The following KPNB1 variants were observed in gnomAD, a reference collection of about 807,000 sequenced individuals.
KPNB1 encodes importin subunit beta-1.
A neutral mutation model predicts 113.0 loss-of-function variants in KPNB1; 7 were observed. The observed-to-expected ratio is 0.06, with a 90% confidence interval of 0.04 to 0.12. The LOEUF is 0.12. Ranked by LOEUF, KPNB1 falls within the 10% of genes least tolerant of loss-of-function variation. The probability of loss-of-function intolerance (pLI) is 1.00; values close to 1 mark genes in which losing one functional copy is unlikely to be tolerated. For missense variants in KPNB1, 400 were observed against 1,054.8 expected (o/e 0.38, Z 8.60); for synonymous variants, 363 against 378.6 (o/e 0.96, Z 0.48).
At chr17:47,653,359 C>T (rs1336221107) in intron 3 of KPNB1, among the ~76,000 whole-genome samples, 2 of 146,674 alleles carry the variant, frequency 1.4e-5, no homozygotes, top group Non-Finnish European at 3.0e-5. Flanking sequence ...CTGCAGCCTC[C>T]GCCTCCCAAG....
At chr17:47,659,898 CAAAA>C (rs979619147) in intron 5 of KPNB1, among the ~76,000 whole-genome samples, 2 of 135,636 alleles carry the variant, frequency 1.5e-5, no homozygotes, top group African/African-American at 5.6e-5. Flanking sequence ...ACTCTGTCTC[CAAAA>C]AAAAAAAATA....
intron 2 of KPNB1, among the ~76,000 whole-genome samples, chr17:47,651,025 G>C (rs906444925): frequency 3.4e-5 from 5 of 146,710 alleles, no homozygotes; most frequent in African/African-American, 1.4e-4. Context: ...TTCCTCTCTT[G>C]GGGTTTTTTC....
intron 16 of KPNB1, among the ~76,000 whole-genome samples, 182 bp downstream of exon 16, chr17:47,676,673 G>A (rs2030622649): frequency 6.6e-6 from 1 of 152,164 alleles, no homozygotes; most frequent in Non-Finnish European, 1.5e-5. Flanking sequence ...CAGGATATTA[G>A]ATGTACCAGA....
intron 15 of KPNB1, among the ~76,000 whole-genome samples, chr17:47,675,370 TTG>T (rs1259355929): frequency 3.5e-5 from 4 of 113,198 alleles, no homozygotes; most frequent in East Asian, 5.7e-4. Context: ...TGTTTTTTTT[TTG>T]TTTTTTTTTT....
intron 3 of KPNB1, among the ~76,000 whole-genome samples, chr17:47,653,809 A>G (rs548830668): frequency 6.6e-5 from 10 of 152,288 alleles, no homozygotes; most frequent in African/African-American, 2.2e-4. Context: ...TCTGTCACCA[A>G]TCTTGCATAC....
chr17:47,651,521 A>T (rs540359717), intron 2 of KPNB1: 2 of 196,696 alleles, frequency 1.0e-5, no homozygotes, highest in African/African-American at 2.4e-5. Flanking sequence ...ATATGTGCCA[A>T]TTTTTACAAC....
intron 14 of KPNB1, chr17:47,673,916 T>C (rs560696803): frequency 2.0e-4 from 39 of 198,798 alleles, no homozygotes; most frequent in South Asian, 6.0e-4. Context: ...ACTTAATGTG[T>C]GATGGTTCCT....
Position 47,676,795 on chromosome 17 carries a change from T to C in KPNB1, c.1996-225T>C, listed in dbSNP as rs570296581. On this transcript the variant is annotated intron_variant, in intron 16 of 21. Coordinates refer to ENST00000290158, the MANE Select transcript of KPNB1 (RefSeq NM_002265.6). ...CTATAAAGTTGAGCTATTAGCACCCTGGAGAGCAAGGCTTTTTTTTTTTTT... is the reference window on the plus strand; with the variant it reads ...CTATAAAGTTGAGCTATTAGCACCCCGGAGAGCAAGGCTTTTTTTTTTTTT... Among the ~76,000 whole-genome samples the C allele has an allele frequency of 6.8e-5, 10 of 146,238 alleles. No homozygotes were observed. In the South Asian group the frequency reaches 2.2e-3, roughly 32 times the overall value.
At position 47,682,604 on chromosome 17, in the gene KPNB1, T is replaced by C. The variant is rs1426758752; in HGVS notation, c.*200T>C. On this transcript the variant is annotated 3_prime_UTR_variant, in exon 22 of 22. Coordinates refer to ENST00000290158, the MANE Select transcript of KPNB1 (RefSeq NM_002265.6). ...GCCAACAGCAGCGCTGTTAGTGAGCTAAGTAAGCACTGACTTCGTAGAAAA... is the reference window on the plus strand; with the variant it reads ...GCCAACAGCAGCGCTGTTAGTGAGCCAAGTAAGCACTGACTTCGTAGAAAA... 1.7e-6 allele frequency: 1 copy of C among 598,832 alleles called. No homozygotes were observed. The highest frequency in any genetic ancestry group is 3.0e-6 in the Non-Finnish European group (1 of 334,170). 37.1% of individuals were successfully genotyped at this position (598,832 alleles called of 1,614,324 possible). A position where few individuals can be genotyped will look rare whatever the true frequency, so the allele number is the denominator to read the frequency against.
At chr17:47,663,645 GAAA>G (rs1426414520) in intron 7 of KPNB1, among the ~76,000 whole-genome samples, 4 of 151,872 alleles carry the variant, frequency 2.6e-5, no homozygotes, top group Middle Eastern at 3.2e-3. Flanking sequence ...ACCTGGGCCA[GAAA>G]GCGAGACTCT....
chr17:47,673,611 T>G (rs1180330423), intron 14 of KPNB1, 50 bp downstream of exon 14: 1 of 1,337,436 alleles, frequency 7.5e-7, no homozygotes, highest in Non-Finnish European at 1.1e-6. Context: ...GAATTATTAG[T>G]ATCTCAGTAT....
At position 47,675,363 on chromosome 17, in the gene KPNB1, T is replaced by TTTTGTTTG. The variant is rs1567894276; in HGVS notation, c.1912+584_1912+585insGTTTGTTT. Among the ~76,000 whole-genome samples the TTTTGTTTG allele has an allele frequency of 1.8e-5, 2 of 112,416 alleles. 1 individual carries two copies. Among genetic ancestry groups the TTTTGTTTG allele is most frequent in the African/African-American group, 7.9e-5 (2 of 25,162 alleles). 73.7% of individuals were successfully genotyped at this position (112,416 alleles called of 152,430 possible). On this transcript the variant is annotated intron_variant, in intron 15 of 21. Coordinates refer to ENST00000290158, the MANE Select transcript of KPNB1 (RefSeq NM_002265.6). Reference sequence around the variant, plus strand: ...CAACGGAGATTGGCAGAGGTGTTGTTTTTTTTTTGTTTTTTTTTTTTGTTT... The same window carrying TTTTGTTTG: ...CAACGGAGATTGGCAGAGGTGTTGTTTTTGTTTGTTTTTTTTGTTTTTTTTTTTTGTTT...
chr17:47,658,476 G>A, intron 4 of KPNB1, 32 bp from the exon 5 acceptor site: 2 of 1,603,554 alleles, frequency 1.2e-6, no homozygotes. Context: ...AGGGCTGACT[G>A]TATATTCATT....
At chr17:47,669,246 C>T (rs1567892273) in intron 10 of KPNB1, among the ~76,000 whole-genome samples, 2 of 152,190 alleles carry the variant, frequency 1.3e-5, no homozygotes, top group East Asian at 3.9e-4. Context: ...GTAGGTGGGA[C>T]TATGTGCCAC....
In KPNB1 at chr17:47,685,491, T is replaced by C. The variant is rs2030912035; in HGVS notation, c.*3087T>C. On this transcript the variant is annotated 3_prime_UTR_variant, in exon 22 of 22. Coordinates refer to ENST00000290158, the MANE Select transcript of KPNB1 (RefSeq NM_002265.6). ...TTTATCTTCTAAATAAAGTCCGCTT[T>C]ATTTTTATTTTCAACATCTTGCTGC... 1 of 151,762 alleles carries C rather than the reference T, an allele frequency of 6.6e-6. No individual in the cohort carries two copies. Among genetic ancestry groups the C allele is most frequent in the African/African-American group, 2.4e-5 (1 of 41,288 alleles). 9.4% of individuals were successfully genotyped at this position (151,762 alleles called of 1,614,324 possible). A position where few individuals can be genotyped will look rare whatever the true frequency, so the allele number is the denominator to read the frequency against.
chr17:47,666,253 A>G (rs1241878223), intron 9 of KPNB1, among the ~76,000 whole-genome samples: 3 of 151,544 alleles, frequency 2.0e-5, no homozygotes, highest in African/African-American at 7.3e-5. Flanking sequence ...GGGTTTTGCC[A>G]TGTTAGCCAG....
intron 8 of KPNB1, among the ~76,000 whole-genome samples, 186 bp from the exon 9 acceptor site, chr17:47,664,871 A>G (rs1291157157): frequency 6.6e-6 from 1 of 152,204 alleles, no homozygotes; most frequent in Non-Finnish European, 1.5e-5. Flanking sequence ...CCTATATTAT[A>G]TGGCCTAAAA....
intron 21 of KPNB1, among the ~76,000 whole-genome samples, chr17:47,681,626 T>G (rs2143187997): frequency 6.6e-6 from 1 of 151,936 alleles, no homozygotes; most frequent in South Asian, 2.1e-4. Context: ...CAGGCTGGTC[T>G]TGAACTCCTG....
chr17:47,669,392 G>C (rs2143144743), intron 10 of KPNB1, among the ~76,000 whole-genome samples: 1 of 152,300 alleles, frequency 6.6e-6, no homozygotes, highest in Non-Finnish European at 1.5e-5. Context: ...AGAGTGCTGG[G>C]ATTACAGGCA....
Sources: gnomAD v4.1 joint callset for allele counts (sites outside exome capture counted in the v4.1 genomes callset) on GRCh38, gnomAD v4.1.1 for gene constraint, MANE v1.5 for transcripts, NCBI Gene and HGNC (gene_info 2026-07-23, HGNC 2026-07-21) for gene names.